CEP89: variants seen among roughly 807,000 people sequenced by gnomAD.
CEP89 encodes the protein centrosomal protein of 89 kDa.
Under a neutral mutation model 97.6 loss-of-function variants are expected in CEP89, and 95 were observed. That is an observed-to-expected ratio of 0.97 (90% CI 0.82 to 1.15). The LOEUF (loss-of-function observed/expected upper bound fraction) is 1.15. Among genes scored for constraint, CEP89 ranks in the 50% most tolerant of loss-of-function variants. The pLI is 0.00. For synonymous variants in CEP89, 354 were observed against 349.1 expected, an observed-to-expected ratio of 1.01 and a Z score of -0.16; for missense variants, 869 against 947.7, an observed-to-expected ratio of 0.92 and a Z score of 1.09.
intron 7 of CEP89, among the ~76,000 whole-genome samples, chr19:32,935,752 T>C (rs948743535): frequency 2.0e-5 from 3 of 152,100 alleles, no homozygotes; most frequent in Non-Finnish European, 4.4e-5. Context: ...TCTTGCTCCA[T>C]GGAGCAGGCA....
intron 16 of CEP89, among the ~76,000 whole-genome samples, chr19:32,891,150 C>T (rs910544168): frequency 6.6e-6 from 1 of 152,218 alleles, no homozygotes; most frequent in Admixed American, 6.5e-5. Flanking sequence ...GGCTGGGGCC[C>T]CTGTCACTAA....
intron 3 of CEP89, among the ~76,000 whole-genome samples, chr19:32,958,718 A>C (rs1355250390): frequency 6.7e-6 from 1 of 148,482 alleles, no homozygotes; most frequent in Admixed American, 6.7e-5. Context: ...ATACGTGACA[A>C]TTAAAAAGGC....
intron 14 of CEP89, among the ~76,000 whole-genome samples, chr19:32,908,556 C>T (rs1056748760): frequency 6.6e-6 from 1 of 152,156 alleles, no homozygotes; most frequent in Non-Finnish European, 1.5e-5. Context: ...CCATGAAGAC[C>T]TAGTGAAAAA....
intron 7 of CEP89, among the ~76,000 whole-genome samples, chr19:32,935,572 G>A (rs555779284): frequency 6.6e-6 from 1 of 152,320 alleles, no homozygotes; most frequent in East Asian, 1.9e-4. Context: ...CCCAGCAATC[G>A]CCCAGAATAC....
chr19:32,932,129 C>T (rs1377600360), intron 8 of CEP89, among the ~76,000 whole-genome samples: 2 of 150,090 alleles, frequency 1.3e-5, no homozygotes, highest in Non-Finnish European at 3.0e-5. Context: ...CGCAGTGAGC[C>T]GAAATCACGC....
chr19:32,956,408 C>T (rs1319308362), intron 3 of CEP89, among the ~76,000 whole-genome samples: 1 of 150,056 alleles, frequency 6.7e-6, no homozygotes, highest in African/African-American at 2.5e-5. Context: ...CTCACTCTGT[C>T]ATCCAGGGTG....
At chr19:32,946,389 T>A (rs1970798228) in intron 5 of CEP89, among the ~76,000 whole-genome samples, 1 of 152,190 alleles carries the variant, frequency 6.6e-6, no homozygotes, top group South Asian at 2.1e-4. Context: ...ACAATGCAGA[T>A]GTTACACAAG....
At chr19:32,913,050 T>TA (rs1202202460) in intron 14 of CEP89, among the ~76,000 whole-genome samples, 3 of 146,478 alleles carry the variant, frequency 2.0e-5, no homozygotes, top group Non-Finnish European at 4.5e-5. Context: ...CAAAAAAAAT[T>TA]AAAAAAAATT....
At position 32,879,124 on chromosome 19, in the gene CEP89, C is replaced by A. The variant is rs1289256370; in HGVS notation, c.*38G>T. The A allele has an allele frequency of 1.3e-6, 2 of 1,533,274 alleles. No homozygotes were observed. Among genetic ancestry groups the A allele is most frequent in the Non-Finnish European group, 1.8e-6 (2 of 1,130,690 alleles). The allele number at this position is 1,533,274 out of a possible 1,614,324, so 95.0% of individuals were successfully genotyped here. ...GAAGGCCTGTGTGAGGCAGACCTTT[C>A]AGGCCAGAGGAGGCTACACCACGGG... is the stretch of plus-strand genomic sequence containing the variant. On this transcript the variant is annotated 3_prime_UTR_variant, in exon 19 of 19. Transcript: ENST00000305768.
chr19:32,933,915 A>G (rs1970528803), intron 7 of CEP89, among the ~76,000 whole-genome samples: 1 of 152,166 alleles, frequency 6.6e-6, no homozygotes, highest in Non-Finnish European at 1.5e-5. Flanking sequence ...GCCTATTGTG[A>G]TGTGGCATGG....
At chr19:32,921,327 C>T (rs767635790) in intron 12 of CEP89, among the ~76,000 whole-genome samples, 11 of 152,124 alleles carry the variant, frequency 7.2e-5, no homozygotes, top group Non-Finnish European at 1.5e-4. Context: ...GTGCAGGTAC[C>T]GAGAGCGGCA....
Position 32,931,575 on chromosome 19 carries a change from G to A in CEP89, c.887-4C>T. 6.4e-7 allele frequency: 1 copy of A among 1,571,234 alleles called. No homozygotes were observed. Among genetic ancestry groups the A allele is most frequent in the African/African-American group, 1.4e-5 (1 of 72,212 alleles). ...TAAAGTAATTCAGGTGCAGCAACTA[G>A]GGAAAAAAATTTAATATTATACTAT... On this transcript the variant is annotated splice_region_variant and splice_polypyrimidine_tract_variant and intron_variant, in intron 8 of 18. Coordinates refer to ENST00000305768, the MANE Select transcript of CEP89 (RefSeq NM_032816.5).
chr19:32,947,097 C>T (rs1019219691), intron 5 of CEP89, among the ~76,000 whole-genome samples: 18 of 152,110 alleles, frequency 1.2e-4, no homozygotes, highest in Admixed American at 4.6e-4. Flanking sequence ...TTTACAGAAA[C>T]GTTTCCCTGA....
chr19:32,943,479 T>A (rs1187961181), intron 5 of CEP89, among the ~76,000 whole-genome samples: 2 of 152,114 alleles, frequency 1.3e-5, no homozygotes, highest in East Asian at 1.9e-4. Context: ...TTTGAGCATA[T>A]AAGGATGTAG....
chr19:32,908,320 T>C (rs1004694496), intron 14 of CEP89, among the ~76,000 whole-genome samples: 13 of 152,158 alleles, frequency 8.5e-5, no homozygotes, highest in African/African-American at 3.1e-4. Flanking sequence ...AGAAAGACCT[T>C]TGTGGCTCAG....
At chr19:32,953,484 A>T (rs1267073809) in intron 4 of CEP89, 131 bp downstream of exon 4, 5 of 679,726 alleles carry the variant, frequency 7.4e-6, no homozygotes, top group East Asian at 5.0e-5. Context: ...GGACACGTTT[A>T]AAAAAATAAG....
intron 16 of CEP89, among the ~76,000 whole-genome samples, chr19:32,897,988 T>G (rs776054288): frequency 2.6e-5 from 4 of 152,120 alleles, no homozygotes; most frequent in Admixed American, 6.6e-5. Context: ...CTCAACAAAC[T>G]AAAAACAATT....
At chr19:32,885,024 C>T (rs576275969) in intron 17 of CEP89, among the ~76,000 whole-genome samples, 1 of 152,208 alleles carries the variant, frequency 6.6e-6, no homozygotes, top group South Asian at 2.1e-4. Context: ...TTCACTTTTC[C>T]CCTCCTTCTG....
intron 14 of CEP89, among the ~76,000 whole-genome samples, chr19:32,905,981 T>C (rs1035310068): frequency 2.0e-5 from 3 of 152,186 alleles, no homozygotes; most frequent in Non-Finnish European, 2.9e-5. Flanking sequence ...TAAGTAGTAT[T>C]TTTTACCTTA....
Sources: allele counts gnomAD v4.1 joint callset (sites outside exome capture counted in the v4.1 genomes callset), GRCh38; gene constraint gnomAD v4.1.1; transcripts MANE v1.5; gene names NCBI Gene and HGNC (gene_info 2026-07-23, HGNC 2026-07-21).